Variants in MALRD1 observed in about 807,000 individuals in gnomAD.
MALRD1 encodes MAM and LDL-receptor class A domain-containing protein 1.
MALRD1 carries 247 observed loss-of-function variants against 242.1 expected under a neutral mutation model. The observed-to-expected ratio is 1.02, with a 90% CI of 0.92 to 1.13. The LOEUF (loss-of-function observed/expected upper bound fraction) is 1.13, where lower values mean the gene tolerates loss of function less well. MALRD1 is among the 50% of genes most tolerant of loss of function. The probability of loss-of-function intolerance (pLI) is 0.00; values close to 1 mark genes in which losing one functional copy is unlikely to be tolerated. For synonymous variants in MALRD1, 995 were observed against 866.6 expected, an observed-to-expected ratio of 1.15 and a Z score of -2.60; for missense variants, 2,989 against 2,533.1, an observed-to-expected ratio of 1.18 and a Z score of -3.86.
chr10:19,357,577 T>G (rs1844693767), intron 26 of MALRD1, among the ~76,000 whole-genome samples: 1 of 152,134 alleles, frequency 6.6e-6, no homozygotes, highest in Non-Finnish European at 1.5e-5. Context: ...TATAAAATCT[T>G]ATTATTTATT....
In MALRD1 at chr10:19,165,743, A is replaced by C; in HGVS notation, c.1763A>C (p.Glu588Ala). ...CAGGGCAAAATAATCAGATTCTCCG[A>C]ATCTCAGTGGAGCCACGCAAAAATT... ...QKQGKIIRFS[E>A]SQWSHAKIDL... The change falls in exon 13 of 40, where the codon GAA becomes GCA. Residue 588 changes from glutamate to alanine, a missense_variant. Physicochemically the swap from Glu to Ala is moderately radical, Grantham distance 107. Coordinates refer to ENST00000454679, the MANE Select transcript of MALRD1 (RefSeq NM_001142308.3). 1 of 1,231,700 alleles carries C rather than the reference A, an allele frequency of 8.1e-7. No individual in the cohort carries two copies. The allele number at this position is 1,231,700 out of a possible 1,614,324, so 76.3% of individuals were successfully genotyped here.
chr10:19,629,325 G>A (rs74119714), intron 36 of MALRD1, among the ~76,000 whole-genome samples: 2,110 of 152,272 alleles, frequency 0.014, 39 homozygotes, highest in African/African-American at 0.048. Flanking sequence ...TTGTGATCCA[G>A]ATATTTTCCA....
intron 34 of MALRD1, among the ~76,000 whole-genome samples, chr10:19,606,645 G>T (rs1838643876): frequency 2.0e-5 from 3 of 152,184 alleles, no homozygotes; most frequent in South Asian, 4.1e-4. Flanking sequence ...CTAGACAGTA[G>T]AGTTATCCCA....
intron 28 of MALRD1, among the ~76,000 whole-genome samples, chr10:19,410,308 G>A (rs1188335610): frequency 6.6e-6 from 1 of 151,902 alleles, no homozygotes; most frequent in African/African-American, 2.4e-5. Context: ...TCACGCCCAA[G>A]TTTAGTATAG....
intron 26 of MALRD1, among the ~76,000 whole-genome samples, chr10:19,368,885 GTGTGTT>G (rs1205198114): frequency 5.9e-5 from 6 of 100,852 alleles, no homozygotes; most frequent in South Asian, 3.1e-4. Flanking sequence ...GTGTGTGTGT[GTGTGTT>G]TGTGTGTGTG....
intron 26 of MALRD1, among the ~76,000 whole-genome samples, chr10:19,358,195 A>AGT (rs776862926): frequency 0.016 from 2,395 of 145,544 alleles, 21 homozygotes; most frequent in Middle Eastern, 0.049. Context: ...GCAGGAGTCA[A>AGT]GTGTGTGTGT....
rs564781876 is a variant in MALRD1, at chr10:19,217,435, T to TAAAAAAC, written c.2991+7755_2991+7756insAAAAAAC. The stretch of plus-strand genomic sequence containing the variant: ...ATTCAGGTTAGTTTTTTACTTCACT[T>TAAAAAAC]TCTTTTCCTGAAGCTTATACTCACT... On this transcript the variant is annotated intron_variant, in intron 18 of 39. Transcript: ENST00000454679. 2.8e-3 allele frequency among the ~76,000 whole-genome samples: 420 copies of TAAAAAAC among 152,296 alleles called. 1 individual carries two copies. The highest frequency in any genetic ancestry group is 9.8e-3 in the African/African-American group (407 of 41,558).
At chr10:19,368,078 T>C (rs1200087805) in intron 26 of MALRD1, among the ~76,000 whole-genome samples, 1 of 152,092 alleles carries the variant, frequency 6.6e-6, no homozygotes, top group Non-Finnish European at 1.5e-5. Flanking sequence ...CGGTTGATTG[T>C]TTTCTTTGCT....
chr10:19,697,388 C>T (rs1589414867), intron 38 of MALRD1, among the ~76,000 whole-genome samples: 2 of 151,706 alleles, frequency 1.3e-5, no homozygotes, highest in Non-Finnish European at 1.5e-5. Flanking sequence ...GCTTGAGCCC[C>T]CGCCCCCGCC....
intron 24 of MALRD1, among the ~76,000 whole-genome samples, 158 bp from the exon 25 acceptor site, chr10:19,347,613 G>A (rs1609747): frequency 0.55 from 83,590 of 151,986 alleles, 23,221 homozygotes; most frequent in Middle Eastern, 0.59. Flanking sequence ...TGTGTGTATC[G>A]CAAACCAAAA....
intron 2 of MALRD1, among the ~76,000 whole-genome samples, chr10:19,071,937 C>T (rs972505547): frequency 6.6e-6 from 1 of 152,142 alleles, no homozygotes; most frequent in Non-Finnish European, 1.5e-5. Context: ...TATTGCTCCG[C>T]ATGCTCTTCC....
At chr10:19,064,464 A>T (rs1834910275) in intron 1 of MALRD1, among the ~76,000 whole-genome samples, 1 of 151,748 alleles carries the variant, frequency 6.6e-6, no homozygotes, top group Non-Finnish European at 1.5e-5. Context: ...AAATTTTCTG[A>T]TGTATTTTTG....
At chr10:19,388,896 A>G (rs1478973254) in intron 27 of MALRD1, among the ~76,000 whole-genome samples, 10 of 151,422 alleles carry the variant, frequency 6.6e-5, no homozygotes, top group African/African-American at 2.4e-4. Context: ...AAAAAAAAAA[A>G]AAAGAAAAAC....
chr10:19,414,834 A>G (rs748519571), intron 28 of MALRD1, among the ~76,000 whole-genome samples: 3 of 152,146 alleles, frequency 2.0e-5, no homozygotes, highest in Admixed American at 1.3e-4. Context: ...AAATTTATAA[A>G]TGGCATAACT....
intron 5 of MALRD1, among the ~76,000 whole-genome samples, chr10:19,116,347 A>G (rs1229517458): frequency 1.3e-5 from 2 of 152,232 alleles, no homozygotes; most frequent in East Asian, 3.8e-4. Flanking sequence ...GCCCTCAAAT[A>G]TACCAATCAT....
Position 19,595,142 on chromosome 10 carries a change from A to G in MALRD1, c.5681-52A>G, listed in dbSNP as rs1589284408. The stretch of plus-strand genomic sequence containing the variant: ...GCAACCTGTAATGTCCCAACACTGG[A>G]TGGAGGGAAACTCCCTAATGCCAAA... On this transcript the variant is annotated intron_variant, in intron 33 of 39. Coordinates refer to ENST00000454679, the MANE Select transcript of MALRD1 (RefSeq NM_001142308.3). 4 of 1,497,944 alleles carry G rather than the reference A, an allele frequency of 2.7e-6. No homozygotes were observed. In the East Asian group the frequency reaches 9.9e-5, roughly 37 times the overall value. 92.8% of individuals were successfully genotyped at this position (1,497,944 alleles called of 1,614,324 possible).
At chr10:19,385,963 G>T (rs956806282) in intron 26 of MALRD1, among the ~76,000 whole-genome samples, 1 of 151,912 alleles carries the variant, frequency 6.6e-6, no homozygotes, top group African/African-American at 2.4e-5. Context: ...AAAAAATTTT[G>T]TCATAGACAG....
At chr10:19,177,150 G>A (rs949606934) in intron 14 of MALRD1, among the ~76,000 whole-genome samples, 1 of 151,650 alleles carries the variant, frequency 6.6e-6, no homozygotes, top group African/African-American at 2.4e-5. Context: ...CATGGTGGCG[G>A]GCACCTGTAG....
At chr10:19,584,256 C>A (rs920322051) in intron 33 of MALRD1, among the ~76,000 whole-genome samples, 3 of 151,912 alleles carry the variant, frequency 2.0e-5, no homozygotes, top group African/African-American at 7.3e-5. Context: ...TTATTTCTTG[C>A]CTTCTGTTAG....
Sources: allele counts gnomAD v4.1 joint callset (sites outside exome capture counted in the v4.1 genomes callset), GRCh38; gene constraint gnomAD v4.1.1; transcripts MANE v1.5; gene names NCBI Gene and HGNC (gene_info 2026-07-23, HGNC 2026-07-21).